The following CNTN5 variants were observed in gnomAD, a reference collection of about 807,000 sequenced individuals.
The protein encoded by CNTN5 is contactin-5.
CNTN5 carries 77 observed loss-of-function variants against 129.1 expected under a neutral mutation model. The ratio of observed to expected loss-of-function variants is 0.60; its 90% CI spans 0.50 to 0.72. The LOEUF is 0.72. CNTN5 is among the 30% of genes least tolerant of loss of function. The probability of loss-of-function intolerance (pLI) is 0.00; values close to 1 mark genes in which losing one functional copy is unlikely to be tolerated. For missense variants in CNTN5, 1,478 were observed against 1,328.8 expected, an observed-to-expected ratio of 1.11 and a Z score of -1.75; for synonymous variants, 509 against 465.6, an observed-to-expected ratio of 1.09 and a Z score of -1.20.
Position 99,786,745 on chromosome 11 carries a change from G to A in CNTN5, c.56-32799G>A, listed in dbSNP as rs551544577. On this transcript the variant is annotated intron_variant, in intron 3 of 24. Transcript: ENST00000524871. ...TCTTTGACAAACCTGACCAAAACCA[G>A]AAATGGAGAAAGGATTCCCTATTTA... is the stretch of plus-strand genomic sequence containing the variant. 2.3e-4 allele frequency among the ~76,000 whole-genome samples: 35 copies of A among 152,254 alleles called. 1 individual carries two copies. The highest frequency in any genetic ancestry group is 5.9e-4 in the Admixed American group (9 of 15,300).
At chr11:99,832,411 T>A (rs1214287158) in intron 4 of CNTN5, among the ~76,000 whole-genome samples, 1 of 152,084 alleles carries the variant, frequency 6.6e-6, no homozygotes, top group African/African-American at 2.4e-5. Context: ...TTTATATCTG[T>A]ACGAAAGTGA....
At chr11:100,251,077 T>A (rs1468453029) in intron 16 of CNTN5, among the ~76,000 whole-genome samples, 1 of 152,184 alleles carries the variant, frequency 6.6e-6, no homozygotes, top group Non-Finnish European at 1.5e-5. Context: ...TTCATAATAT[T>A]TGAGGGTCCT....
chr11:99,528,267 A>C (rs1947563890), intron 2 of CNTN5, among the ~76,000 whole-genome samples: 1 of 152,254 alleles, frequency 6.6e-6, no homozygotes, highest in South Asian at 2.1e-4. Context: ...AGGCCAATTT[A>C]CACAATAAAA....
chr11:99,275,181 C>G (rs1293804208), intron 1 of CNTN5, among the ~76,000 whole-genome samples: 1 of 150,916 alleles, frequency 6.6e-6, no homozygotes, highest in African/African-American at 2.4e-5. Context: ...ATTGACAAGC[C>G]AAGTTCATTG....
chr11:100,142,514 G>T (rs146286456), intron 13 of CNTN5, among the ~76,000 whole-genome samples: 3 of 152,046 alleles, frequency 2.0e-5, no homozygotes, highest in Admixed American at 1.3e-4. Flanking sequence ...AGAAAATTTC[G>T]CACTTGACTT....
intron 1 of CNTN5, among the ~76,000 whole-genome samples, chr11:99,166,374 T>C (rs1272839355): frequency 7.5e-6 from 1 of 133,476 alleles, no homozygotes. Context: ...GCACCCAGCC[T>C]GGGCCACAGA....
At chr11:99,250,037 G>T (rs529600254) in intron 1 of CNTN5, among the ~76,000 whole-genome samples, 1 of 151,900 alleles carries the variant, frequency 6.6e-6, no homozygotes, top group East Asian at 1.9e-4. Context: ...GAGCACATTG[G>T]GATCATTAGT....
chr11:100,031,593 T>G (rs965786859), intron 9 of CNTN5, among the ~76,000 whole-genome samples: 1 of 152,214 alleles, frequency 6.6e-6, no homozygotes, highest in African/African-American at 2.4e-5. Flanking sequence ...TCTAACCAGT[T>G]GTCTAGCTTC....
rs528247243 is a variant in CNTN5, at chr11:100,086,641, C to T, written c.1580+12347C>T. Among the ~76,000 whole-genome samples, 6 of 150,522 alleles carry T rather than the reference C, an allele frequency of 4.0e-5. No individual in the cohort carries two copies. The South Asian group carries it at 8.4e-4, about 21-fold the overall frequency. On this transcript the variant is annotated intron_variant, in intron 13 of 24. Coordinates refer to ENST00000524871, the MANE Select transcript of CNTN5 (RefSeq NM_014361.4). ...ATATATCAGAAATTACTGTAAATAC[C>T]GAACTAGAAATAAAAATTCAGCAAT... is the stretch of plus-strand genomic sequence containing the variant.
chr11:99,253,849 G>T (rs1415635762), intron 1 of CNTN5, among the ~76,000 whole-genome samples: 1 of 148,486 alleles, frequency 6.7e-6, no homozygotes, highest in African/African-American at 2.5e-5. Flanking sequence ...TTTATCTATG[G>T]ATCCTTCCCT....
In CNTN5 at chr11:99,385,605, G is replaced by A. The variant is rs554895562; in HGVS notation, c.-71+60121G>A. Among the ~76,000 whole-genome samples the A allele has an allele frequency of 1.4e-4, 22 of 152,280 alleles. 1 individual carries two copies. The South Asian group carries it at 4.4e-3, about 30-fold the overall frequency. On this transcript the variant is annotated intron_variant, in intron 2 of 24. Transcript: ENST00000524871. Reference sequence around the variant, plus strand: ...AGAGAGAGAAAATTTGTAAGAAAAAGGTCATAATGCAGAACTCTTGTATTT... The same window carrying A: ...AGAGAGAGAAAATTTGTAAGAAAAAAGTCATAATGCAGAACTCTTGTATTT...
At chr11:99,094,385 A>G (rs1410947966) in intron 1 of CNTN5, among the ~76,000 whole-genome samples, 1 of 151,994 alleles carries the variant, frequency 6.6e-6, no homozygotes, top group Non-Finnish European at 1.5e-5. Context: ...ACCCAGAGTT[A>G]AGCCTGTTGA....
chr11:100,157,724 A>G (rs1184274329), intron 13 of CNTN5, among the ~76,000 whole-genome samples: 1 of 151,880 alleles, frequency 6.6e-6, no homozygotes, highest in Non-Finnish European at 1.5e-5. Flanking sequence ...GCAGAATTTA[A>G]ATAAAATACT....
rs12278840 is a variant in CNTN5, at chr11:100,153,816, A to T, written c.1581-37310A>T. On this transcript the variant is annotated intron_variant, in intron 13 of 24. Transcript: ENST00000524871. Reference sequence around the variant, plus strand: ...ATATAAATTATATTATTTTATGCTAACTTTTGTTTATATATGGAATAGATT... The same window carrying T: ...ATATAAATTATATTATTTTATGCTATCTTTTGTTTATATATGGAATAGATT... Among the ~76,000 whole-genome samples, 1,198 of 152,168 alleles carry T rather than the reference A, an allele frequency of 7.9e-3. 13 individuals carry two copies. Among genetic ancestry groups the T allele is most frequent in the African/African-American group, 0.027 (1,121 of 41,540 alleles).
chr11:100,308,939 A>G, intron 21 of CNTN5: 1 of 984,572 alleles, frequency 1.0e-6, no homozygotes, highest in East Asian at 1.1e-4. Flanking sequence ...GGTCCCTTAA[A>G]TGTTGCTATT....
At chr11:99,955,014 G>T (rs1054561181) in intron 7 of CNTN5, among the ~76,000 whole-genome samples, 1 of 152,004 alleles carries the variant, frequency 6.6e-6, no homozygotes. Flanking sequence ...AACAGAAACA[G>T]TATTTTTAAA....
intron 6 of CNTN5, among the ~76,000 whole-genome samples, chr11:99,909,983 G>A (rs11819812): frequency 0.32 from 49,206 of 151,804 alleles, 8,861 homozygotes; most frequent in Non-Finnish European, 0.41. Flanking sequence ...AAGAATTGTA[G>A]CATTATATCA....
At chr11:100,203,590 ATCAAATTT>A (rs1948835775) in intron 15 of CNTN5, among the ~76,000 whole-genome samples, 1 of 151,886 alleles carries the variant, frequency 6.6e-6, no homozygotes, top group South Asian at 2.1e-4. Flanking sequence ...CCATATATCC[ATCAAATTT>A]TCAAATATTA....
intron 1 of CNTN5, among the ~76,000 whole-genome samples, chr11:99,318,364 G>A (rs78387650): frequency 0.081 from 12,286 of 151,906 alleles, 589 homozygotes; most frequent in Middle Eastern, 0.12. Flanking sequence ...CCCAATCCTG[G>A]GGTTCTTTCT....
Sources: allele counts gnomAD v4.1 joint callset (sites outside exome capture counted in the v4.1 genomes callset), GRCh38; gene constraint gnomAD v4.1.1; transcripts MANE v1.5; gene names NCBI Gene and HGNC (gene_info 2026-07-23, HGNC 2026-07-21).